Variants in BAG4 observed in about 807,000 individuals in gnomAD.
The protein encoded by BAG4 is BAG cochaperone 4.
In BAG4, 28 loss-of-function variants were observed where a neutral mutation model predicts 52.1. That is an observed-to-expected ratio of 0.54 (90% confidence interval 0.40 to 0.74). BAG4 has a LOEUF of 0.74. Among genes scored for constraint, BAG4 ranks in the 30% least tolerant of loss-of-function variants. BAG4 has a pLI of 0.00. For synonymous variants in BAG4, 208 were observed against 217.0 expected (o/e 0.96, Z 0.37); for missense variants, 525 against 572.0 (o/e 0.92, Z 0.84).
chr8:38,189,709 G>A (rs1803435595), intron 1 of BAG4, among the ~76,000 whole-genome samples: 1 of 152,224 alleles, frequency 6.6e-6, no homozygotes, highest in South Asian at 2.1e-4. Flanking sequence ...GGGAACACAA[G>A]AGGGTTGCTA....
chr8:38,198,364 A>G (rs1403060200), intron 2 of BAG4, among the ~76,000 whole-genome samples: 1 of 147,842 alleles, frequency 6.8e-6, no homozygotes, highest in Non-Finnish European at 1.5e-5. Context: ...AGCCTGGGCA[A>G]CAGAGCGAGA....
rs545767747 is a variant in BAG4 at position 38,197,088 on chromosome 8, G to C, written c.378+4293G>C. 1.5e-3 allele frequency among the ~76,000 whole-genome samples: 233 copies of C among 152,048 alleles called. 1 individual carries two copies. The highest frequency in any genetic ancestry group is 2.1e-3 in the Non-Finnish European group (145 of 67,918). Reference sequence around the variant, plus strand: ...CAGAGCAAGACTCTGTCTCAAAAAAGAAAAGATTCCTTGACCATTTTAAAA... The same window carrying C: ...CAGAGCAAGACTCTGTCTCAAAAAACAAAAGATTCCTTGACCATTTTAAAA... On this transcript the variant is annotated intron_variant, in intron 2 of 4. Transcript: ENST00000287322.
At chr8:38,179,595 G>A (rs904526557) in intron 1 of BAG4, among the ~76,000 whole-genome samples, 2 of 151,448 alleles carry the variant, frequency 1.3e-5, no homozygotes, top group South Asian at 2.1e-4. Flanking sequence ...GCAAAACCCC[G>A]TCTCTACTAA....
intron 1 of BAG4, among the ~76,000 whole-genome samples, chr8:38,185,106 A>AG (rs1216878865): frequency 6.6e-6 from 1 of 151,656 alleles, no homozygotes; most frequent in African/African-American, 2.4e-5. Flanking sequence ...AAAAAAAAAA[A>AG]TAGAATGCTG....
At chr8:38,187,955 T>G (rs1483938435) in intron 1 of BAG4, among the ~76,000 whole-genome samples, 7 of 140,944 alleles carry the variant, frequency 5.0e-5, no homozygotes, top group Non-Finnish European at 7.5e-5. Context: ...GAGAATGGCA[T>G]GAACCCGGGA....
chr8:38,210,627 T>G lies in BAG4; in HGVS notation c.*134T>G. 1.7e-6 allele frequency: 2 copies of G among 1,199,600 alleles called. No homozygotes were observed. The highest frequency in any genetic ancestry group is 2.2e-6 in the Non-Finnish European group (2 of 890,370). 74.3% of individuals were successfully genotyped at this position (1,199,600 alleles called of 1,614,324 possible). On this transcript the variant is annotated 3_prime_UTR_variant, in exon 5 of 5. Coordinates refer to ENST00000287322, the MANE Select transcript of BAG4 (RefSeq NM_004874.4). ...TCCAGCTTTCCTTTGATTTTATACTTGAAAAACTGGCAAAGGAATGGAAGA... is the reference window on the plus strand; with the variant it reads ...TCCAGCTTTCCTTTGATTTTATACTGGAAAAACTGGCAAAGGAATGGAAGA...
At chr8:38,190,727 G>A (rs906768523) in intron 1 of BAG4, among the ~76,000 whole-genome samples, 4 of 150,014 alleles carry the variant, frequency 2.7e-5, no homozygotes, top group Non-Finnish European at 4.4e-5. Context: ...TACAGATTGA[G>A]CCACTGCGCC....
intron 2 of BAG4, 118 bp from the exon 3 acceptor site, chr8:38,207,394 G>A (rs1803788261): frequency 1.7e-6 from 2 of 1,160,310 alleles, no homozygotes; most frequent in Admixed American, 2.5e-5. Flanking sequence ...GAGCCACTGT[G>A]CCTGGCCTGC....
At chr8:38,181,915 A>AAAAAG (rs1554506184) in intron 1 of BAG4, among the ~76,000 whole-genome samples, 4 of 134,632 alleles carry the variant, frequency 3.0e-5, no homozygotes, top group African/African-American at 5.5e-5. Context: ...AAAAAAAAAA[A>AAAAAG]AGGAAGTAAG....
At chr8:38,192,628 C>T (rs1411678348) in intron 1 of BAG4, 60 bp from the exon 2 acceptor site, 2 of 1,320,030 alleles carry the variant, frequency 1.5e-6, no homozygotes, top group African/African-American at 1.5e-5. Flanking sequence ...CTCTATCAAT[C>T]TATCTTAAAA....
chr8:38,178,491 TAA>T (rs1365795112), intron 1 of BAG4, among the ~76,000 whole-genome samples: 1 of 152,240 alleles, frequency 6.6e-6, no homozygotes, highest in African/African-American at 2.4e-5. Flanking sequence ...ATTTGAGTTA[TAA>T]AGTGAGTGAA....
chr8:38,197,765 T>C (rs1803587506), intron 2 of BAG4, among the ~76,000 whole-genome samples: 1 of 152,182 alleles, frequency 6.6e-6, no homozygotes, highest in Non-Finnish European at 1.5e-5. Flanking sequence ...AGTGGCGTGA[T>C]CTCGGCTCTC....
rs1803792090 is a variant in BAG4 at position 38,207,567 on chromosome 8, G to C, written c.434G>C (p.Gly145Ala). The C allele has an allele frequency of 1.9e-6, 3 of 1,613,620 alleles. No homozygotes were observed. The South Asian group carries it at 3.3e-5, about 18-fold the overall frequency. Residue 145 changes from glycine to alanine, a missense_variant, in exon 3 of 5, where the codon GGG becomes GCG. Physicochemically the swap from Gly to Ala is moderately conservative, Grantham distance 60. Transcript: ENST00000287322. ...GGTCCAACATACCCCCCAGGCCCTG[G>C]GGCAAATACTGCCTCATACTCAGGG... ...AYGPTYPPGP[G>A]ANTASYSGAY...
At chr8:38,208,466 C>T (rs1400812271) in intron 3 of BAG4, among the ~76,000 whole-genome samples, 10 of 149,292 alleles carry the variant, frequency 6.7e-5, no homozygotes, top group African/African-American at 2.5e-4. Context: ...CCCGCCACCG[C>T]GCCCAGCTAA....
chr8:38,185,314 A>G (rs967434094), intron 1 of BAG4, among the ~76,000 whole-genome samples: 3 of 152,200 alleles, frequency 2.0e-5, no homozygotes, highest in East Asian at 3.8e-4. Context: ...TTAACATTAT[A>G]GGAATTTTAA....
chr8:38,185,143 A>G (rs1803344115), intron 1 of BAG4, among the ~76,000 whole-genome samples: 1 of 152,074 alleles, frequency 6.6e-6, no homozygotes, highest in Non-Finnish European at 1.5e-5. Context: ...GCAAGGGGCA[A>G]TACCTTAATA....
Position 38,211,944 on chromosome 8 carries a change from C to T in BAG4, c.*1451C>T, listed in dbSNP as rs990200848. On this transcript the variant is annotated 3_prime_UTR_variant, in exon 5 of 5. Coordinates refer to ENST00000287322, the MANE Select transcript of BAG4 (RefSeq NM_004874.4). ...ATACCCAAGTGATAATTTTTTTTCCCCTAGACTGTCAGGCCTATGAGTAAA... is the reference window on the plus strand; with the variant it reads ...ATACCCAAGTGATAATTTTTTTTCCTCTAGACTGTCAGGCCTATGAGTAAA... 6.6e-6 allele frequency: 1 copy of T among 151,862 alleles called. No homozygotes were observed. Among genetic ancestry groups the T allele is most frequent in the East Asian group, 1.9e-4 (1 of 5,176 alleles). The allele number at this position is 151,862 out of a possible 1,614,324, so 9.4% of individuals were successfully genotyped here.
At chr8:38,187,311 C>T (rs1015255793) in intron 1 of BAG4, among the ~76,000 whole-genome samples, 1 of 151,936 alleles carries the variant, frequency 6.6e-6, no homozygotes. Flanking sequence ...AGTACAGTAA[C>T]TAAAATGAAA....
At chr8:38,184,558 C>T (rs1803330799) in intron 1 of BAG4, among the ~76,000 whole-genome samples, 1 of 152,116 alleles carries the variant, frequency 6.6e-6, no homozygotes. Flanking sequence ...GCGCCTCCTA[C>T]CTGGTGCAGA....
Sources: allele counts gnomAD v4.1 joint callset (sites outside exome capture counted in the v4.1 genomes callset), GRCh38; gene constraint gnomAD v4.1.1; transcripts MANE v1.5; gene names NCBI Gene and HGNC (gene_info 2026-07-23, HGNC 2026-07-21).